MAPK10: variants seen among roughly 807,000 people sequenced by gnomAD.
The protein encoded by MAPK10 is JNK3 alpha protein kinase.
MAPK10 carries 25 observed loss-of-function variants against 59.3 expected under a neutral mutation model. The ratio of observed to expected loss-of-function variants is 0.42; its 90% CI spans 0.31 to 0.59. The LOEUF (loss-of-function observed/expected upper bound fraction) is 0.59. MAPK10 is among the 20% of genes least tolerant of loss of function. MAPK10 has a pLI of 0.15. For synonymous variants in MAPK10, 190 were observed against 200.5 expected (o/e 0.95, Z 0.44); for missense variants, 351 against 568.9 (o/e 0.62, Z 3.90).
chr4:86,142,616 G>T (rs944410699), intron 4 of MAPK10, among the ~76,000 whole-genome samples: 3 of 152,046 alleles, frequency 2.0e-5, no homozygotes, highest in African/African-American at 7.3e-5. Context: ...GAAGCTATTG[G>T]CTCTAATCCA....
At chr4:86,139,630 T>C (rs1295211186) in intron 4 of MAPK10, among the ~76,000 whole-genome samples, 2 of 152,110 alleles carry the variant, frequency 1.3e-5, no homozygotes, top group Non-Finnish European at 2.9e-5. Context: ...TGGGCAAGGA[T>C]TTCATGTCTA....
At chr4:86,383,609 C>T (rs1163900741) in intron 1 of MAPK10, among the ~76,000 whole-genome samples, 2 of 152,088 alleles carry the variant, frequency 1.3e-5, no homozygotes, top group East Asian at 1.9e-4. Context: ...TATATCACTT[C>T]AAGCTGAAAT....
At chr4:86,511,325 G>A (rs1756218725) in intron 1 of MAPK10, among the ~76,000 whole-genome samples, 2 of 151,640 alleles carry the variant, frequency 1.3e-5, no homozygotes, top group Non-Finnish European at 3.0e-5. Flanking sequence ...GGGAGGCCAA[G>A]GTGAGTGGAT....
chr4:86,245,011 C>T (rs1175967558), intron 2 of MAPK10, among the ~76,000 whole-genome samples: 1 of 148,936 alleles, frequency 6.7e-6, no homozygotes, highest in Admixed American at 6.6e-5. Flanking sequence ...ATGCATTTTT[C>T]TCCTTCTTAT....
intron 2 of MAPK10, chr4:86,334,957 A>G (rs996360096): frequency 2.5e-5 from 2 of 80,342 alleles, no homozygotes; most frequent in Non-Finnish European, 6.0e-5. Flanking sequence ...AGTCTTTCAC[A>G]TGTATGTTAT....
chr4:86,576,630 C>T lies in MAPK10; in HGVS notation c.-263+17280G>A, dbSNP rs143789415. Among the ~76,000 whole-genome samples, 15 of 152,076 alleles carry T rather than the reference C, an allele frequency of 9.9e-5. No homozygotes were observed. In the East Asian group the frequency reaches 2.1e-3, roughly 22 times the overall value. ...TCTACTAAAAATACAAAAAATTAGC[C>T]GGGCGCGGTGGCGGGTGCCTGTAGT... is the stretch of plus-strand genomic sequence containing the variant. On this transcript the variant is annotated intron_variant, in intron 1 of 4. Coordinates refer to the MAPK10 transcript ENST00000502302.
rs866437611 is a variant in MAPK10, at chr4:86,264,905, T to C, written c.-6-70498A>G. On this transcript the variant is annotated intron_variant, in intron 2 of 13. Coordinates refer to ENST00000641462, the MANE Select transcript of MAPK10 (RefSeq NM_138982.4). ...GCCCTGGACTTTTTTTTTTTTTTTTTTTTTTGTGGTGGGGTCTCACTCTGT... is the reference window on the plus strand; with the variant it reads ...GCCCTGGACTTTTTTTTTTTTTTTTCTTTTTGTGGTGGGGTCTCACTCTGT... 9.7e-3 allele frequency among the ~76,000 whole-genome samples: 1,438 copies of C among 148,072 alleles called. 12 individuals are homozygous for C. Among genetic ancestry groups the C allele is most frequent in the African/African-American group, 0.035 (1,382 of 39,434 alleles).
intron 2 of MAPK10, among the ~76,000 whole-genome samples, chr4:86,323,400 C>A (rs971860552): frequency 1.3e-5 from 2 of 152,106 alleles, no homozygotes; most frequent in African/African-American, 4.8e-5. Flanking sequence ...GTGGTGTTTG[C>A]CAATCTGTGC....
chr4:86,315,696 T>G (rs1344503556), intron 2 of MAPK10, among the ~76,000 whole-genome samples: 1 of 152,142 alleles, frequency 6.6e-6, no homozygotes, highest in African/African-American at 2.4e-5. Flanking sequence ...CCTGTTAATT[T>G]TATTTATGTG....
chr4:86,552,412 C>T (rs1050182687), intron 1 of MAPK10, among the ~76,000 whole-genome samples: 1 of 141,010 alleles, frequency 7.1e-6, no homozygotes, highest in South Asian at 2.5e-4. Flanking sequence ...CAGAGTGAGA[C>T]CCTGTCTCAA....
At chr4:86,385,425 A>C (rs1741333292) in intron 1 of MAPK10, among the ~76,000 whole-genome samples, 1 of 152,076 alleles carries the variant, frequency 6.6e-6, no homozygotes, top group Admixed American at 6.6e-5. Flanking sequence ...AATTTCAAAA[A>C]CACTCTGTGG....
At chr4:86,139,556 G>A (rs531488416) in intron 4 of MAPK10, among the ~76,000 whole-genome samples, 2 of 152,142 alleles carry the variant, frequency 1.3e-5, no homozygotes, top group South Asian at 2.1e-4. Context: ...AGACTTAAAC[G>A]TTAGACCTAA....
In MAPK10 at chr4:86,354,510, T is replaced by C. The variant is rs949694159; in HGVS notation, c.-7+20A>G. 185 of 1,105,918 alleles carry C rather than the reference T, an allele frequency of 1.7e-4. 2 individuals carry two copies. In the Admixed American group the frequency reaches 2.9e-3, roughly 17 times the overall value. The allele number at this position is 1,105,918 out of a possible 1,614,324, so 68.5% of individuals were successfully genotyped here. A position where few individuals can be genotyped will look rare whatever the true frequency, so the allele number is the denominator to read the frequency against. On this transcript the variant is annotated intron_variant, in intron 2 of 13. Coordinates refer to ENST00000641462, the MANE Select transcript of MAPK10 (RefSeq NM_138982.4). Reference sequence around the variant, plus strand: ...ATCCTAGTTTTCATGCTAAGGAATATTTTTAAATTGGCAACTCACCACAGC... The same window carrying C: ...ATCCTAGTTTTCATGCTAAGGAATACTTTTAAATTGGCAACTCACCACAGC...
intron 4 of MAPK10, among the ~76,000 whole-genome samples, chr4:86,133,931 G>C (rs1037612177): frequency 1.3e-5 from 2 of 152,180 alleles, no homozygotes; most frequent in African/African-American, 4.8e-5. Context: ...GAAAATTTAA[G>C]ATTTCATTTA....
intron 1 of MAPK10, among the ~76,000 whole-genome samples, chr4:86,504,416 A>G (rs1159529589): frequency 6.6e-6 from 1 of 152,124 alleles, no homozygotes; most frequent in African/African-American, 2.4e-5. Context: ...TTGTCTGTAA[A>G]CTAAATTAAC....
chr4:86,375,713 T>TAAAAAAAAAAA (rs56189009), intron 1 of MAPK10, among the ~76,000 whole-genome samples: 8 of 33,332 alleles, frequency 2.4e-4, no homozygotes, highest in East Asian at 1.2e-3. Flanking sequence ...AGGTCCACTC[T>TAAAAAAAAAAA]AAAAAAAAAA....
chr4:86,442,092 T>C (rs565473111), intron 1 of MAPK10, among the ~76,000 whole-genome samples: 1 of 152,302 alleles, frequency 6.6e-6, no homozygotes, highest in Non-Finnish European at 1.5e-5. Flanking sequence ...CATTTTCTCT[T>C]GATCATCTGA....
intron 4 of MAPK10, among the ~76,000 whole-genome samples, chr4:86,154,903 A>G (rs2067318148): frequency 6.6e-6 from 1 of 152,072 alleles, no homozygotes; most frequent in African/African-American, 2.4e-5. Flanking sequence ...TTTTCTCGTA[A>G]TTTTTATCAG....
intron 4 of MAPK10, among the ~76,000 whole-genome samples, chr4:86,145,393 C>A (rs2064722606): frequency 6.6e-6 from 1 of 150,620 alleles, no homozygotes; most frequent in Non-Finnish European, 1.5e-5. Flanking sequence ...AAATTTCTAT[C>A]TCTATTTGAT....
Sources: gnomAD v4.1 joint callset for allele counts (sites outside exome capture counted in the v4.1 genomes callset) on GRCh38, gnomAD v4.1.1 for gene constraint, MANE v1.5 for transcripts, NCBI Gene and HGNC (gene_info 2026-07-23, HGNC 2026-07-21) for gene names.